Variants in ST8SIA2 observed in about 807,000 individuals in gnomAD.
ST8SIA2 encodes the protein alpha-2,8-sialyltransferase 8B.
A neutral mutation model predicts 37.6 loss-of-function variants in ST8SIA2; 22 were observed. The observed-to-expected ratio is 0.58, with a 90% CI of 0.42 to 0.83. ST8SIA2 has a LOEUF of 0.83. Ranked by LOEUF, ST8SIA2 falls within the 40% of genes least tolerant of loss-of-function variation. The probability of loss-of-function intolerance (pLI) is 0.00; values close to 1 mark genes in which losing one functional copy is unlikely to be tolerated. For missense variants in ST8SIA2, 382 were observed against 484.7 expected (o/e 0.79, Z 1.99); for synonymous variants, 205 against 201.2 (o/e 1.02, Z -0.16).
At chr15:92,450,220 A>G (rs937028368) in intron 5 of ST8SIA2, among the ~76,000 whole-genome samples, 3 of 152,348 alleles carry the variant, frequency 2.0e-5, no homozygotes, top group Middle Eastern at 3.4e-3. Context: ...AACATCCAGG[A>G]TATGTGAAGA....
rs534649532 is a variant in ST8SIA2 at position 92,465,315 on chromosome 15, T to C, written c.*930T>C. Reference sequence around the variant, plus strand: ...CTCTGGGTTAGTCTCTGTCTCACCCTGTTAGAATGTCACGAGGGACTGTAC... The same window carrying C: ...CTCTGGGTTAGTCTCTGTCTCACCCCGTTAGAATGTCACGAGGGACTGTAC... On this transcript the variant is annotated 3_prime_UTR_variant, in exon 6 of 6. Transcript: ENST00000268164. 1 of 152,308 alleles carries C rather than the reference T, an allele frequency of 6.6e-6. No homozygotes were observed. The highest frequency in any genetic ancestry group is 2.4e-5 in the African/African-American group (1 of 41,562). 9.4% of individuals were successfully genotyped at this position (152,308 alleles called of 1,614,324 possible).
At chr15:92,422,807 G>GAGCC (rs2049646296) in intron 1 of ST8SIA2, 1 of 152,602 alleles carries the variant, frequency 6.6e-6, no homozygotes, top group Non-Finnish European at 1.5e-5. Flanking sequence ...GGGCAGGCGA[G>GAGCC]TGCCTGAGCC....
rs779565439 is a variant in ST8SIA2 at position 92,394,025 on chromosome 15, C to A, written c.-40C>A. On this transcript the variant is annotated 5_prime_UTR_variant, in exon 1 of 6. Transcript: ENST00000268164. ...GCTGCGCCCTCCGGCCCCTGCTCCT[C>A]GCGCCGGCCCGCGTGGGTCCCGGCG... 2.0e-6 allele frequency: 3 copies of A among 1,507,296 alleles called. No homozygotes were observed. The highest frequency in any genetic ancestry group is 2.7e-6 in the Non-Finnish European group (3 of 1,118,048). 93.4% of individuals were successfully genotyped at this position (1,507,296 alleles called of 1,614,324 possible).
At chr15:92,420,595 C>A (rs748448025) in intron 1 of ST8SIA2, among the ~76,000 whole-genome samples, 1 of 152,002 alleles carries the variant, frequency 6.6e-6, no homozygotes, top group African/African-American at 2.4e-5. Context: ...TTGCTGGAAT[C>A]GAAGCAAAAA....
At chr15:92,406,508 G>A (rs559948515) in intron 1 of ST8SIA2, among the ~76,000 whole-genome samples, 16 of 152,298 alleles carry the variant, frequency 1.1e-4, no homozygotes, top group African/African-American at 3.4e-4. Context: ...ATCTGAATCC[G>A]CTCAGTAACA....
intron 1 of ST8SIA2, among the ~76,000 whole-genome samples, chr15:92,394,977 C>G (rs2049419683): frequency 6.6e-6 from 1 of 152,110 alleles, no homozygotes; most frequent in Non-Finnish European, 1.5e-5. Flanking sequence ...GGTGGGACCG[C>G]GAGCCCGGAT....
At chr15:92,408,301 A>G (rs143985789) in intron 1 of ST8SIA2, among the ~76,000 whole-genome samples, 1 of 151,440 alleles carries the variant, frequency 6.6e-6, no homozygotes, top group East Asian at 2.0e-4. Flanking sequence ...TCATCTCACC[A>G]TCCTCTGAAG....
intron 5 of ST8SIA2, among the ~76,000 whole-genome samples, chr15:92,463,727 A>G (rs923482856): frequency 6.6e-6 from 1 of 152,176 alleles, no homozygotes; most frequent in Non-Finnish European, 1.5e-5. Flanking sequence ...CCCCTTACAG[A>G]AAAAGGTTGC....
intron 5 of ST8SIA2, among the ~76,000 whole-genome samples, chr15:92,450,256 C>G (rs1222010747): frequency 6.6e-6 from 1 of 152,160 alleles, no homozygotes. Context: ...CAACAAAAAA[C>G]CCAAATAACT....
chr15:92,397,606 C>T (rs985709125), intron 1 of ST8SIA2, among the ~76,000 whole-genome samples: 1 of 152,206 alleles, frequency 6.6e-6, no homozygotes, highest in African/African-American at 2.4e-5. Context: ...TTCATGCACA[C>T]TCCCAAGTTT....
chr15:92,406,793 C>G (rs979776337), intron 1 of ST8SIA2, among the ~76,000 whole-genome samples: 2 of 151,982 alleles, frequency 1.3e-5, no homozygotes. Flanking sequence ...CCCAGGAGTT[C>G]GAGACCAGTC....
intron 1 of ST8SIA2, among the ~76,000 whole-genome samples, chr15:92,419,760 G>T (rs1342619852): frequency 6.6e-6 from 1 of 152,198 alleles, no homozygotes; most frequent in Non-Finnish European, 1.5e-5. Context: ...TCAACCAACA[G>T]CATACATATA....
chr15:92,393,992 C>G lies in ST8SIA2; in HGVS notation c.-73C>G. The stretch of plus-strand genomic sequence containing the variant: ...TGCGCGCGGCGCGCGGAGGCTCCGG[C>G]GTCCGCCGCTGCGCCCTCCGGCCCC... On this transcript the variant is annotated 5_prime_UTR_variant, in exon 1 of 6. Transcript: ENST00000268164. The G allele has an allele frequency of 8.9e-7, 1 of 1,122,018 alleles. No individual in the cohort carries two copies. The highest frequency in any genetic ancestry group is 1.9e-5 in the South Asian group (1 of 51,802). 69.5% of individuals were successfully genotyped at this position (1,122,018 alleles called of 1,614,324 possible). A position where few individuals can be genotyped will look rare whatever the true frequency, so the allele number is the denominator to read the frequency against.
At chr15:92,417,181 C>T (rs1309878048) in intron 1 of ST8SIA2, among the ~76,000 whole-genome samples, 2 of 152,218 alleles carry the variant, frequency 1.3e-5, no homozygotes, top group Non-Finnish European at 2.9e-5. Context: ...GGCTGCAAAA[C>T]TAGAACCCAT....
chr15:92,414,335 A>C (rs993709064), intron 1 of ST8SIA2, among the ~76,000 whole-genome samples: 1 of 152,184 alleles, frequency 6.6e-6, no homozygotes, highest in African/African-American at 2.4e-5. Context: ...ACCCAGGTAC[A>C]TTGGCTGCTT....
intron 2 of ST8SIA2, among the ~76,000 whole-genome samples, chr15:92,431,495 G>A (rs2049715541): frequency 6.6e-6 from 1 of 152,190 alleles, no homozygotes; most frequent in African/African-American, 2.4e-5. Context: ...CTTATTTGAT[G>A]CTTGTTACTA....
chr15:92,434,491 C>G (rs2049740862), intron 3 of ST8SIA2, 116 bp downstream of exon 3: 8 of 1,464,746 alleles, frequency 5.5e-6, no homozygotes, highest in Non-Finnish European at 7.5e-6. Flanking sequence ...TTACCTCCCA[C>G]TGAGGCAGGT....
intron 5 of ST8SIA2, among the ~76,000 whole-genome samples, chr15:92,457,029 C>A (rs957585597): frequency 6.6e-6 from 1 of 152,234 alleles, no homozygotes. Flanking sequence ...CTGCAGCACA[C>A]CAGAGGCCTC....
At position 92,467,748 on chromosome 15, in the gene ST8SIA2, C is replaced by T. The variant is rs2050002874; in HGVS notation, c.*3363C>T. The T allele has an allele frequency of 6.5e-6, 1 of 152,672 alleles. No homozygotes were observed. The highest frequency in any genetic ancestry group is 2.4e-5 in the African/African-American group (1 of 41,428). 9.5% of individuals were successfully genotyped at this position (152,672 alleles called of 1,614,324 possible). On this transcript the variant is annotated 3_prime_UTR_variant, in exon 6 of 6. Coordinates refer to ENST00000268164, the MANE Select transcript of ST8SIA2 (RefSeq NM_006011.4). ...TGGACATGCCTTACACTGGCGTCCT[C>T]TCCTGAGTCCCTCCGCACTCTCCAT...
Sources: gnomAD v4.1 joint callset for allele counts (sites outside exome capture counted in the v4.1 genomes callset) on GRCh38, gnomAD v4.1.1 for gene constraint, MANE v1.5 for transcripts, NCBI Gene and HGNC (gene_info 2026-07-23, HGNC 2026-07-21) for gene names.